PDE4D: variants seen among roughly 807,000 people sequenced by gnomAD.
The protein encoded by PDE4D is 3',5'-cyclic-AMP phosphodiesterase 4D.
Under a neutral mutation model 87.4 loss-of-function variants are expected in PDE4D, and 24 were observed. That is an observed-to-expected ratio of 0.27 (90% confidence interval 0.20 to 0.39). The LOEUF is 0.39. Among genes scored for constraint, PDE4D ranks in the 10% least tolerant of loss-of-function variants. PDE4D has a pLI of 1.00. For synonymous variants in PDE4D, 384 were observed against 383.2 expected (o/e 1.00, Z -0.02); for missense variants, 714 against 1,041.0 (o/e 0.69, Z 4.32).
intron 6 of PDE4D, among the ~76,000 whole-genome samples, chr5:59,003,861 A>G (rs9292187): frequency 0.2 from 30,996 of 151,940 alleles, 3,622 homozygotes; most frequent in East Asian, 0.54. Context: ...TCGAGGCAAA[A>G]CATACTTGGT....
At chr5:59,165,854 A>T (rs1044191537) in intron 5 of PDE4D, among the ~76,000 whole-genome samples, 2 of 152,170 alleles carry the variant, frequency 1.3e-5, no homozygotes, top group Non-Finnish European at 2.9e-5. Context: ...GACAAATTAG[A>T]TCCCTTCACT....
At chr5:59,888,199 A>C (rs576791007) in intron 1 of PDE4D, among the ~76,000 whole-genome samples, 1 of 152,374 alleles carries the variant, frequency 6.6e-6, no homozygotes, top group African/African-American at 2.4e-5. Flanking sequence ...AACTGAACCC[A>C]GATGATCCAA....
chr5:59,950,295 A>C (rs1362474691), intron 3 of PDE4D, among the ~76,000 whole-genome samples: 2 of 152,174 alleles, frequency 1.3e-5, no homozygotes, highest in African/African-American at 4.8e-5. Flanking sequence ...AGTTAGCTCT[A>C]TCTTTTGAGG....
intron 1 of PDE4D, among the ~76,000 whole-genome samples, chr5:60,189,770 C>A (rs1421177764): frequency 6.6e-6 from 1 of 152,200 alleles, no homozygotes; most frequent in Non-Finnish European, 1.5e-5. Flanking sequence ...CACTCAGATG[C>A]ATTGGTTTTA....
chr5:60,498,464 A>C (rs1749920725), intron 1 of PDE4D, among the ~76,000 whole-genome samples: 1 of 152,150 alleles, frequency 6.6e-6, no homozygotes, highest in African/African-American at 2.4e-5. Flanking sequence ...TTAAAAAGGC[A>C]TTATAACAAG....
chr5:59,322,416 T>C (rs1275670041), intron 1 of PDE4D, among the ~76,000 whole-genome samples: 1 of 152,038 alleles, frequency 6.6e-6, no homozygotes, highest in Non-Finnish European at 1.5e-5. Flanking sequence ...CAATGAGTAG[T>C]TTATGGGCTC....
In PDE4D at chr5:59,123,968, G is replaced by A. The variant is rs1580922841; in HGVS notation, c.808+56627C>T. Among the ~76,000 whole-genome samples the A allele has an allele frequency of 3.3e-5, 5 of 152,274 alleles. No individual in the cohort carries two copies. In the East Asian group the frequency reaches 9.7e-4, roughly 29 times the overall value. Reference sequence around the variant, plus strand: ...AAGAGCAGCACTGTTTAGTAAACATGGTCTTGGCTTTATACCACTTCCTAA... The same window carrying A: ...AAGAGCAGCACTGTTTAGTAAACATAGTCTTGGCTTTATACCACTTCCTAA... On this transcript the variant is annotated intron_variant, in intron 5 of 14. Coordinates refer to ENST00000340635, the MANE Select transcript of PDE4D (RefSeq NM_001104631.2).
At chr5:60,339,854 T>C (rs962788334) in intron 1 of PDE4D, among the ~76,000 whole-genome samples, 11 of 152,234 alleles carry the variant, frequency 7.2e-5, no homozygotes, top group African/African-American at 2.7e-4. Flanking sequence ...CTAATGCATG[T>C]CTGTGTTCTG....
At chr5:60,287,859 T>C (rs1329549419) in intron 1 of PDE4D, among the ~76,000 whole-genome samples, 1 of 152,232 alleles carries the variant, frequency 6.6e-6, no homozygotes, top group Non-Finnish European at 1.5e-5. Flanking sequence ...GCTATTTGTG[T>C]ACATTTGTTT....
At chr5:59,870,725 C>T (rs1008699295) in intron 1 of PDE4D, among the ~76,000 whole-genome samples, 2 of 152,180 alleles carry the variant, frequency 1.3e-5, no homozygotes, top group Non-Finnish European at 2.9e-5. Flanking sequence ...TTGCTAAAGC[C>T]TCACCACTGC....
chr5:59,204,512 G>A (rs554490855), intron 2 of PDE4D, among the ~76,000 whole-genome samples: 1 of 152,314 alleles, frequency 6.6e-6, no homozygotes, highest in South Asian at 2.1e-4. Context: ...TTTAGCACAT[G>A]TGTGTAGACA....
intron 1 of PDE4D, among the ~76,000 whole-genome samples, chr5:59,498,855 A>T (rs995495086): frequency 6.6e-6 from 1 of 152,124 alleles, no homozygotes; most frequent in East Asian, 1.9e-4. Context: ...CACGAGTGAA[A>T]GCAATAGACA....
chr5:59,680,218 A>T (rs1288783691), intron 1 of PDE4D, among the ~76,000 whole-genome samples: 2 of 152,094 alleles, frequency 1.3e-5, no homozygotes, highest in African/African-American at 4.8e-5. Context: ...AAACCCACAT[A>T]TGCATTTGGA....
At chr5:59,890,035 A>G (rs946530938) in intron 1 of PDE4D, among the ~76,000 whole-genome samples, 2 of 152,160 alleles carry the variant, frequency 1.3e-5, no homozygotes, top group Admixed American at 6.5e-5. Context: ...CCTCTTTCCC[A>G]TTGCTTCACA....
At chr5:59,419,025 T>C (rs971648207) in intron 1 of PDE4D, among the ~76,000 whole-genome samples, 6 of 152,176 alleles carry the variant, frequency 3.9e-5, no homozygotes, top group Non-Finnish European at 8.8e-5. Flanking sequence ...TATCAGTTGA[T>C]GTGATAGTCA....
intron 1 of PDE4D, among the ~76,000 whole-genome samples, chr5:59,390,852 G>A (rs1788096651): frequency 6.6e-6 from 1 of 151,950 alleles, no homozygotes; most frequent in East Asian, 1.9e-4. Flanking sequence ...TACAGAGGGT[G>A]GTAAAAGTCA....
chr5:60,002,888 C>T (rs148036936), intron 2 of PDE4D, among the ~76,000 whole-genome samples: 85 of 152,266 alleles, frequency 5.6e-4, no homozygotes, highest in African/African-American at 1.9e-3. Context: ...CTTACTCTTG[C>T]CATTTGTGTT....
At chr5:59,941,954 G>T (rs1164171876) in intron 3 of PDE4D, among the ~76,000 whole-genome samples, 1 of 152,154 alleles carries the variant, frequency 6.6e-6, no homozygotes, top group Non-Finnish European at 1.5e-5. Context: ...GGTAACTATG[G>T]CCAGGATGAG....
intron 1 of PDE4D, among the ~76,000 whole-genome samples, chr5:59,727,307 T>C (rs887489003): frequency 2.0e-5 from 3 of 152,126 alleles, no homozygotes; most frequent in African/African-American, 7.2e-5. Context: ...TCAATTTAAA[T>C]GAAAATAGAC....
Sources: gnomAD v4.1 joint callset for allele counts (sites outside exome capture counted in the v4.1 genomes callset) on GRCh38, gnomAD v4.1.1 for gene constraint, MANE v1.5 for transcripts, NCBI Gene and HGNC (gene_info 2026-07-23, HGNC 2026-07-21) for gene names.